Variants in NUDCD3 observed in about 807,000 individuals in gnomAD.
NUDCD3 encodes the protein nudC domain-containing protein 3.
In NUDCD3, 13 loss-of-function variants were observed where a neutral mutation model predicts 39.7. The observed-to-expected ratio is 0.33, with a 90% CI of 0.21 to 0.52. NUDCD3 has a LOEUF of 0.52. Ranked by LOEUF, NUDCD3 falls within the 20% of genes least tolerant of loss-of-function variation. The pLI is 0.96. For synonymous variants in NUDCD3, 175 were observed against 172.4 expected (o/e 1.02, Z -0.12); for missense variants, 453 against 458.1 (o/e 0.99, Z 0.10).
At chr7:44,463,276 CT>C (rs1239016014) in intron 2 of NUDCD3, among the ~76,000 whole-genome samples, 2 of 152,116 alleles carry the variant, frequency 1.3e-5, no homozygotes, top group Non-Finnish European at 2.9e-5. Flanking sequence ...TCACTTGAAC[CT>C]AAGTGGCATT....
intron 3 of NUDCD3, among the ~76,000 whole-genome samples, chr7:44,423,091 C>A (rs1242090019): frequency 6.6e-6 from 1 of 152,132 alleles, no homozygotes; most frequent in African/African-American, 2.4e-5. Context: ...AAATTCAACA[C>A]CCCTTCATGC....
intron 4 of NUDCD3, among the ~76,000 whole-genome samples, chr7:44,396,668 T>C (rs1798631477): frequency 6.6e-6 from 1 of 152,238 alleles, no homozygotes. Context: ...TCATGTTCTA[T>C]AAACTGGTTT....
rs557547410 is a variant in NUDCD3, at chr7:44,473,358, T to G, written c.509+11610A>C. Among the ~76,000 whole-genome samples, 4 of 152,324 alleles carry G rather than the reference T, an allele frequency of 2.6e-5. No homozygotes were observed. The South Asian group carries it at 8.3e-4, about 32-fold the overall frequency. On this transcript the variant is annotated intron_variant, in intron 2 of 5. Transcript: ENST00000355451. ...CCAAAGGCAAACTAGGTTCCACTGC[T>G]CAACAACATGAGCCTGGGTCAGTTT...
chr7:44,405,453 G>A (rs1798802029), intron 3 of NUDCD3, among the ~76,000 whole-genome samples: 1 of 152,182 alleles, frequency 6.6e-6, no homozygotes, highest in Non-Finnish European at 1.5e-5. Flanking sequence ...GAGGTTCACA[G>A]GTCAGTAATT....
At position 44,379,723 on chromosome 7, in the gene NUDCD3, T is replaced by C. The variant is rs1798276756; in HGVS notation, c.*6288A>G. ...CTGGTGAGAACACTGGAGAATAGTT[T>C]AGGGGTGCCCGAGTTTCCCCCACTG... On this transcript the variant is annotated 3_prime_UTR_variant, in exon 6 of 6. Coordinates refer to ENST00000355451, the MANE Select transcript of NUDCD3 (RefSeq NM_015332.4). 1 of 152,222 alleles carries C rather than the reference T, an allele frequency of 6.6e-6. No homozygotes were observed. The highest frequency in any genetic ancestry group is 2.1e-4 in the South Asian group (1 of 4,832). 9.4% of individuals were successfully genotyped at this position (152,222 alleles called of 1,614,324 possible).
chr7:44,417,318 C>T (rs1056617539), intron 3 of NUDCD3, among the ~76,000 whole-genome samples: 11 of 152,166 alleles, frequency 7.2e-5, no homozygotes, highest in South Asian at 4.1e-4. Context: ...AACACGGTGC[C>T]GACCACAGGG....
intron 3 of NUDCD3, among the ~76,000 whole-genome samples, chr7:44,421,331 T>TAAAAAA (rs531473757): frequency 3.2e-5 from 4 of 124,658 alleles, no homozygotes; most frequent in Non-Finnish European, 3.3e-5. Flanking sequence ...AGACTCCGTC[T>TAAAAAA]AAAAAAAAAA....
Position 44,412,926 on chromosome 7 carries a change from C to CAAAAAAAAAA in NUDCD3, c.643-8353_643-8344dup, listed in dbSNP as rs767754442. 2.7e-3 allele frequency among the ~76,000 whole-genome samples: 118 copies of CAAAAAAAAAA among 43,552 alleles called. 2 individuals are homozygous for CAAAAAAAAAA. The highest frequency in any genetic ancestry group is 8.2e-3 in the African/African-American group (103 of 12,548). 28.6% of individuals were successfully genotyped at this position (43,552 alleles called of 152,430 possible). ...TGGGCGACAGAGCGAGACGCCGTCT[C>CAAAAAAAAAA]AAAAAAAAAAAAAAAAGAAAAAAAA... On this transcript the variant is annotated intron_variant, in intron 3 of 5. Transcript: ENST00000355451.
intron 1 of NUDCD3, 98 bp from the exon 2 acceptor site, chr7:44,485,382 A>C (rs988294366): frequency 7.2e-6 from 8 of 1,106,680 alleles, no homozygotes; most frequent in Non-Finnish European, 8.9e-6. Flanking sequence ...AGAGAACTAA[A>C]AGTCAGAAAC....
intron 2 of NUDCD3, among the ~76,000 whole-genome samples, chr7:44,474,589 T>C (rs1585104366): frequency 6.6e-6 from 1 of 152,146 alleles, no homozygotes. Context: ...CCTGAACCCA[T>C]CCAACTCTGA....
chr7:44,448,938 A>G (rs889559056), intron 2 of NUDCD3, among the ~76,000 whole-genome samples: 1 of 152,212 alleles, frequency 6.6e-6, no homozygotes, highest in African/African-American at 2.4e-5. Flanking sequence ...CAATGAGGAA[A>G]ATGGTAGAAC....
At chr7:44,387,366 C>A (rs1264727644) in intron 5 of NUDCD3, among the ~76,000 whole-genome samples, 2 of 152,120 alleles carry the variant, frequency 1.3e-5, no homozygotes, top group East Asian at 3.9e-4. Flanking sequence ...CAACAACAAG[C>A]ATATCAAAGA....
At position 44,488,333 on chromosome 7, in the gene NUDCD3, T is replaced by C. The variant is rs1975238; in HGVS notation, c.192+2076A>G. Among the ~76,000 whole-genome samples the C allele has an allele frequency of 4.2e-3, 526 of 126,212 alleles. 16 individuals carry two copies. The highest frequency in any genetic ancestry group is 0.031 in the Admixed American group (368 of 11,724). The allele number at this position is 126,212 out of a possible 152,430, so 82.8% of individuals were successfully genotyped here. On this transcript the variant is annotated intron_variant, in intron 1 of 5. Coordinates refer to ENST00000355451, the MANE Select transcript of NUDCD3 (RefSeq NM_015332.4). ...CTGGGCGACAGAGTGAGACTCCATC[T>C]CCAGGAAAAAAAAAAAAAAAAAAAG...
At chr7:44,428,956 T>C (rs1799295610) in intron 2 of NUDCD3, among the ~76,000 whole-genome samples, 2 of 152,186 alleles carry the variant, frequency 1.3e-5, no homozygotes. Context: ...TTGTAAACAA[T>C]GTGTGCACTA....
chr7:44,457,496 T>C (rs964807778), intron 2 of NUDCD3, among the ~76,000 whole-genome samples: 1 of 152,208 alleles, frequency 6.6e-6, no homozygotes, highest in Non-Finnish European at 1.5e-5. Flanking sequence ...CAAAAATCTA[T>C]TGTATTCCTA....
At chr7:44,399,987 T>G (rs1798692061) in intron 4 of NUDCD3, among the ~76,000 whole-genome samples, 1 of 152,190 alleles carries the variant, frequency 6.6e-6, no homozygotes, top group African/African-American at 2.4e-5. Context: ...TGGAACGGCA[T>G]TCACCTCACA....
intron 3 of NUDCD3, among the ~76,000 whole-genome samples, chr7:44,426,525 G>C (rs1260631661): frequency 1.3e-5 from 2 of 152,152 alleles, no homozygotes; most frequent in Non-Finnish European, 2.9e-5. Flanking sequence ...GGCCGGGCGC[G>C]GTGGCTCACG....
At chr7:44,464,850 C>T (rs1800088800) in intron 2 of NUDCD3, among the ~76,000 whole-genome samples, 1 of 152,184 alleles carries the variant, frequency 6.6e-6, no homozygotes, top group Admixed American at 6.5e-5. Context: ...TAGATTAAGA[C>T]ACCCAACAAT....
intron 4 of NUDCD3, among the ~76,000 whole-genome samples, chr7:44,392,992 A>C (rs776071362): frequency 1.3e-5 from 2 of 152,060 alleles, no homozygotes; most frequent in South Asian, 4.2e-4. Flanking sequence ...ACATTCTGCT[A>C]TCTTAGGGGT....
Sources: allele counts gnomAD v4.1 joint callset (sites outside exome capture counted in the v4.1 genomes callset), GRCh38; gene constraint gnomAD v4.1.1; transcripts MANE v1.5; gene names NCBI Gene and HGNC (gene_info 2026-07-23, HGNC 2026-07-21).